The following ATP9A variants were observed in gnomAD, a reference collection of about 807,000 sequenced individuals.
ATP9A encodes ATPase phospholipid transporting 9A.
In ATP9A, 52 loss-of-function variants were observed where a neutral mutation model predicts 144.1. The observed-to-expected ratio is 0.36, with a 90% confidence interval of 0.29 to 0.45. ATP9A has a LOEUF of 0.45. Ranked by LOEUF, ATP9A falls within the 20% of genes least tolerant of loss-of-function variation. The pLI is 1.00. For synonymous variants in ATP9A, 582 were observed against 557.4 expected, an observed-to-expected ratio of 1.04 and a Z score of -0.62; for missense variants, 947 against 1,392.7, an observed-to-expected ratio of 0.68 and a Z score of 5.09.
At position 51,634,732 on chromosome 20, in the gene ATP9A, G is replaced by A. The variant is rs541851310; in HGVS notation, c.1668+4611C>T. ...TAGCCGGGCATGGTAGCACATGCCT[G>A]TAATCCCAGCTACTCGGGAGGCTGG... On this transcript the variant is annotated intron_variant, in intron 15 of 27. Transcript: ENST00000338821. Among the ~76,000 whole-genome samples, 11 of 151,666 alleles carry A rather than the reference G, an allele frequency of 7.3e-5. No individual in the cohort carries two copies. The South Asian group carries it at 1.7e-3, about 23-fold the overall frequency.
At chr20:51,630,786 C>T (rs902449730) in intron 15 of ATP9A, among the ~76,000 whole-genome samples, 1 of 152,186 alleles carries the variant, frequency 6.6e-6, no homozygotes, top group African/African-American at 2.4e-5. Flanking sequence ...CCGATTCCTA[C>T]TTAATTCACC....
rs911497603 is a variant in ATP9A, at chr20:51,611,468, C to T, written c.2572-1303G>A. 2.0e-5 allele frequency among the ~76,000 whole-genome samples: 3 copies of T among 152,190 alleles called. No homozygotes were observed. Among genetic ancestry groups the T allele is most frequent in the Non-Finnish European group, 2.9e-5 (2 of 68,038 alleles). On this transcript the variant is annotated intron_variant, in intron 23 of 27. Transcript: ENST00000338821. The surrounding 1 kb of genome is among the most constrained non-coding windows in gnomAD (Gnocchi z 4.2). ...CATCCTAACCACAAAGTCTTCATCT[C>T]GACAAGAGCACTTTGGGAAAAATAA... is the stretch of plus-strand genomic sequence containing the variant.
chr20:51,635,582 TAAG>T (rs1454501291), intron 15 of ATP9A, among the ~76,000 whole-genome samples: 1 of 151,348 alleles, frequency 6.6e-6, no homozygotes, highest in East Asian at 1.9e-4. Context: ...CACTAAACGA[TAAG>T]AATTAGCAGA....
At chr20:51,632,931 T>A (rs1315113713) in intron 15 of ATP9A, among the ~76,000 whole-genome samples, 1 of 152,094 alleles carries the variant, frequency 6.6e-6, no homozygotes, top group Non-Finnish European at 1.5e-5. Flanking sequence ...GAGACCAGCC[T>A]GCCCAACATG....
At chr20:51,736,086 A>C (rs1192351001) in intron 1 of ATP9A, among the ~76,000 whole-genome samples, 4 of 152,232 alleles carry the variant, frequency 2.6e-5, no homozygotes, top group African/African-American at 2.4e-5. Flanking sequence ...TGCCAAGAAG[A>C]AGCTGCCATG....
At chr20:51,661,367 CTT>C (rs35618042) in intron 13 of ATP9A, among the ~76,000 whole-genome samples, 83 of 145,922 alleles carry the variant, frequency 5.7e-4, no homozygotes, top group South Asian at 8.7e-4. Context: ...CTGAAATACA[CTT>C]TTTTTTTTTT....
chr20:51,760,184 G>T (rs149123053), intron 1 of ATP9A, among the ~76,000 whole-genome samples: 1 of 152,150 alleles, frequency 6.6e-6, no homozygotes, highest in Non-Finnish European at 1.5e-5. Context: ...AAAAATACAC[G>T]TGTCAGATAA....
intron 1 of ATP9A, among the ~76,000 whole-genome samples, chr20:51,742,351 T>C (rs1468099402): frequency 6.7e-6 from 1 of 149,300 alleles, no homozygotes; most frequent in Non-Finnish European, 1.5e-5. Context: ...GATAACTTCA[T>C]GCCATTACCA....
At chr20:51,760,459 G>C (rs2077874274) in intron 1 of ATP9A, among the ~76,000 whole-genome samples, 1 of 152,146 alleles carries the variant, frequency 6.6e-6, no homozygotes. Context: ...GGGCACGGTG[G>C]CTCACATCTG....
rs201491372 is a variant in ATP9A, at chr20:51,756,616, A to AT, written c.68+11685dup. Among the ~76,000 whole-genome samples, 694 of 151,934 alleles carry AT rather than the reference A, an allele frequency of 4.6e-3. 5 individuals carry two copies. The highest frequency in any genetic ancestry group is 0.015 in the African/African-American group (607 of 41,450). On this transcript the variant is annotated intron_variant, in intron 1 of 27. Transcript: ENST00000338821. ...TCTCTTTCTGTCTTAATCTCCTCCTATAAGGTCACCGGGCTGGATGGAAAA... is the reference window on the plus strand; with the variant it reads ...TCTCTTTCTGTCTTAATCTCCTCCTATTAAGGTCACCGGGCTGGATGGAAAA...
intron 4 of ATP9A, among the ~76,000 whole-genome samples, chr20:51,702,397 T>TGTGTGTGC (rs1375355217): frequency 6.6e-6 from 1 of 151,230 alleles, no homozygotes; most frequent in Non-Finnish European, 1.5e-5. Context: ...TGTGTGTGTG[T>TGTGTGTGC]GTGTGTGCAT....
At chr20:51,751,266 T>TTG (rs2077830776) in intron 1 of ATP9A, among the ~76,000 whole-genome samples, 2 of 148,140 alleles carry the variant, frequency 1.4e-5, no homozygotes, top group Admixed American at 6.7e-5. Flanking sequence ...TTTTTGTTTT[T>TTG]TTTTTTTTTT....
At chr20:51,750,374 T>C (rs115982434) in intron 1 of ATP9A, among the ~76,000 whole-genome samples, 3,483 of 151,934 alleles carry the variant, frequency 0.023, 145 homozygotes, top group African/African-American at 0.08. Context: ...TGCCCAGCAC[T>C]CCTCCCTCAC....
chr20:51,610,015 G>T, intron 24 of ATP9A, 86 bp downstream of exon 24: 1 of 1,300,320 alleles, frequency 7.7e-7, no homozygotes. Context: ...GGGAACCCAA[G>T]AATTTTTCCA....
chr20:51,665,978 A>T (rs1222592474), intron 13 of ATP9A, among the ~76,000 whole-genome samples: 2 of 152,146 alleles, frequency 1.3e-5, no homozygotes, highest in African/African-American at 4.8e-5. Flanking sequence ...CTACATTTCA[A>T]CACTGGGAAA....
At chr20:51,733,469 G>C (rs1222475030) in intron 1 of ATP9A, among the ~76,000 whole-genome samples, 1 of 152,022 alleles carries the variant, frequency 6.6e-6, no homozygotes, top group Non-Finnish European at 1.5e-5. Flanking sequence ...CACCTACTGG[G>C]TTCAAGCCAT....
chr20:51,711,625 G>A (rs1237072637), intron 4 of ATP9A, among the ~76,000 whole-genome samples: 1 of 152,136 alleles, frequency 6.6e-6, no homozygotes, highest in Non-Finnish European at 1.5e-5. Flanking sequence ...GGCCAGATTA[G>A]CAAACTTTAG....
intron 13 of ATP9A, among the ~76,000 whole-genome samples, chr20:51,658,639 C>T (rs531715297): frequency 3.2e-4 from 48 of 150,992 alleles, no homozygotes; most frequent in African/African-American, 1.2e-3. Flanking sequence ...CCTGCCTCAG[C>T]CTCCCGAGTA....
At chr20:51,608,031 G>C (rs1218625845) in intron 25 of ATP9A, among the ~76,000 whole-genome samples, 2 of 131,232 alleles carry the variant, frequency 1.5e-5, no homozygotes, top group African/African-American at 5.3e-5. Flanking sequence ...GTGACAAAGT[G>C]AGAATTAGTC....
Sources: allele counts gnomAD v4.1 joint callset (sites outside exome capture counted in the v4.1 genomes callset), GRCh38; gene constraint gnomAD v4.1.1; non-coding constraint Gnocchi (gnomAD v3.1); transcripts MANE v1.5; gene names NCBI Gene and HGNC (gene_info 2026-07-23, HGNC 2026-07-21).